Variants in TMEM273 observed in about 807,000 individuals in gnomAD.
The protein encoded by TMEM273 is chromosome 10 open reading frame 128.
A neutral mutation model predicts 17.9 loss-of-function variants in TMEM273; 19 were observed. That is an observed-to-expected ratio of 1.06 (90% CI 0.74 to 1.55). The LOEUF is 1.55. TMEM273 is among the 40% of genes most tolerant of loss of function. The pLI is 0.00. For synonymous variants in TMEM273, 66 were observed against 62.0 expected, an observed-to-expected ratio of 1.07 and a Z score of -0.31; for missense variants, 194 against 155.6, an observed-to-expected ratio of 1.25 and a Z score of -1.31.
At chr10:49,168,524 A>C (rs919668806) in intron 1 of TMEM273, among the ~76,000 whole-genome samples, 1 of 152,148 alleles carries the variant, frequency 6.6e-6, no homozygotes. Context: ...TCCAGGCTCC[A>C]TCCTAAAAGC....
intron 1 of TMEM273, among the ~76,000 whole-genome samples, chr10:49,186,068 G>GGAGGAAGAAGAA (rs1554850043): frequency 1.5e-5 from 1 of 67,090 alleles, no homozygotes; most frequent in Non-Finnish European, 3.1e-5. Flanking sequence ...AAGAAGAAGA[G>GGAGGAAGAAGAA]GAAGAAGAAG....
chr10:49,172,867 C>A (rs1230966840), intron 1 of TMEM273, among the ~76,000 whole-genome samples: 1 of 152,224 alleles, frequency 6.6e-6, no homozygotes, highest in African/African-American at 2.4e-5. Flanking sequence ...GCCAAGCACA[C>A]CAGGAGGCAC....
At chr10:49,172,551 G>A (rs1014892372) in intron 1 of TMEM273, among the ~76,000 whole-genome samples, 7 of 152,176 alleles carry the variant, frequency 4.6e-5, no homozygotes, top group South Asian at 2.1e-4. Context: ...TTCCACCTTC[G>A]AGCCTCTCTG....
At chr10:49,165,852 C>T in intron 3 of TMEM273, 56 bp from the exon 4 acceptor site, 25 of 1,607,134 alleles carry the variant, frequency 1.6e-5, no homozygotes, top group Non-Finnish European at 2.1e-5. Context: ...AGGTGCAGAG[C>T]ATTCCCTAGA....
At chr10:49,187,189 C>T (rs1405721341) in intron 1 of TMEM273, among the ~76,000 whole-genome samples, 1 of 152,226 alleles carries the variant, frequency 6.6e-6, no homozygotes, top group Admixed American at 6.5e-5. Flanking sequence ...CCACCGTGCA[C>T]ACCCTTAATC....
chr10:49,180,370 G>T (rs1323403724), intron 1 of TMEM273, among the ~76,000 whole-genome samples: 3 of 152,062 alleles, frequency 2.0e-5, no homozygotes, highest in African/African-American at 7.2e-5. Flanking sequence ...TACTGAGCAG[G>T]TTCTAGAGCT....
chr10:49,176,368 C>T (rs1402460859), intron 1 of TMEM273, among the ~76,000 whole-genome samples: 2 of 152,222 alleles, frequency 1.3e-5, no homozygotes, highest in Non-Finnish European at 2.9e-5. Flanking sequence ...CAAACCAAGG[C>T]CTCCCATAGC....
chr10:49,183,038 CA>C (rs1197431009), intron 1 of TMEM273, among the ~76,000 whole-genome samples: 1 of 151,992 alleles, frequency 6.6e-6, no homozygotes, highest in Non-Finnish European at 1.5e-5. Context: ...TCATGAAAGA[CA>C]AACAAAGGCT....
At chr10:49,174,714 G>A (rs1032592299) in intron 1 of TMEM273, among the ~76,000 whole-genome samples, 2 of 152,142 alleles carry the variant, frequency 1.3e-5, no homozygotes, top group Non-Finnish European at 2.9e-5. Flanking sequence ...GTGGTGGGGG[G>A]TGGTATGAGG....
Position 49,166,972 on chromosome 10 carries a change from G to T in TMEM273, c.135C>A (p.Val45=). ...KYALIGTAVG[V]AISAGFLALK... ...GGGCCAGGAAGCCAGCAGATATGGC[G>T]ACACCCACAGCAGTCCCGATGAGGG... Residue 45 remains valine, a synonymous_variant, in exon 3 of 7, where the codon GTC becomes GTA. Coordinates refer to ENST00000374153, the MANE Select transcript of TMEM273 (RefSeq NM_001288740.3). The T allele has an allele frequency of 6.2e-7, 1 of 1,614,170 alleles. No individual in the cohort carries two copies. Among genetic ancestry groups the T allele is most frequent in the Non-Finnish European group, 8.5e-7 (1 of 1,180,028 alleles).
At chr10:49,173,720 C>T (rs182605057) in intron 1 of TMEM273, among the ~76,000 whole-genome samples, 103 of 152,298 alleles carry the variant, frequency 6.8e-4, no homozygotes, top group African/African-American at 2.4e-3. Context: ...GGACTCTTCT[C>T]CTGGGGGATG....
intron 1 of TMEM273, among the ~76,000 whole-genome samples, chr10:49,176,131 G>A (rs1004617774): frequency 1.1e-4 from 17 of 152,238 alleles, no homozygotes; most frequent in African/African-American, 4.1e-4. Context: ...AGCATGGCTG[G>A]ACAAGTCCCC....
At chr10:49,173,851 C>T (rs1846752762) in intron 1 of TMEM273, among the ~76,000 whole-genome samples, 1 of 152,146 alleles carries the variant, frequency 6.6e-6, no homozygotes. Context: ...AGTTCAGCCA[C>T]AGAGAGACAA....
Position 49,165,230 on chromosome 10 carries a change from T to C in TMEM273, c.323A>G (p.His108Arg). ...CTTAAATAGGCCCTCCATGATGCAG[T>C]GGTGACACTGAAGCAGGGATTTGAA... ...FSFKSLLQCH[H>R]CIMEGLFKAK... The change falls in exon 5 of 7, where the codon CAC (histidine) becomes CGC (arginine). Residue 108 changes from histidine (H) to arginine (R), a missense_variant. His to Arg is a conservative substitution (Grantham distance 29). Transcript: ENST00000374153. 1 of 1,550,456 alleles carries C rather than the reference T, an allele frequency of 6.4e-7. No homozygotes were observed. Among genetic ancestry groups the C allele is most frequent in the Non-Finnish European group, 8.7e-7 (1 of 1,146,980 alleles).
At chr10:49,165,879 C>A in intron 3 of TMEM273, 83 bp from the exon 4 acceptor site, 1 of 1,568,498 alleles carries the variant, frequency 6.4e-7, no homozygotes, top group South Asian at 1.1e-5. Flanking sequence ...ACCTCCCTCT[C>A]CTTGGTCCTC....
At chr10:49,160,991 G>A (rs1845806164) in intron 6 of TMEM273, 1 of 152,870 alleles carries the variant, frequency 6.5e-6, no homozygotes, top group South Asian at 2.1e-4. Flanking sequence ...GCACATGCAA[G>A]GGGCATGAGG....
At position 49,186,068 on chromosome 10, in the gene TMEM273, G is replaced by GGAAGAAGAAGAAGAATAAGAAGAAGAA. The variant is rs1847670081; in HGVS notation, c.43+2225_43+2226insTTCTTCTTCTTATTCTTCTTCTTCTTC. Among the ~76,000 whole-genome samples, 56 of 67,192 alleles carry GGAAGAAGAAGAAGAATAAGAAGAAGAA rather than the reference G, an allele frequency of 8.3e-4. 1 individual carries two copies. The highest frequency in any genetic ancestry group is 2.7e-3 in the African/African-American group (54 of 19,798). The allele number at this position is 67,192 out of a possible 152,430, so 44.1% of individuals were successfully genotyped here. A position where few individuals can be genotyped will look rare whatever the true frequency, so the allele number is the denominator to read the frequency against. On this transcript the variant is annotated intron_variant, in intron 1 of 6. Coordinates refer to ENST00000374153, the MANE Select transcript of TMEM273 (RefSeq NM_001288740.3). Reference sequence around the variant, plus strand: ...AAGAAGAAGAGGAAGAAGAAGAAGAGGAAGAAGAAGAAGAAGAAGAAGAAG... The same window carrying GGAAGAAGAAGAAGAATAAGAAGAAGAA: ...AAGAAGAAGAGGAAGAAGAAGAAGAGGAAGAAGAAGAAGAATAAGAAGAAGAAGAAGAAGAAGAAGAAGAAGAAGAAG...
At chr10:49,184,773 G>A (rs1048040393) in intron 1 of TMEM273, among the ~76,000 whole-genome samples, 5 of 152,228 alleles carry the variant, frequency 3.3e-5, no homozygotes, top group African/African-American at 4.8e-5. Context: ...ACCAGCTGCA[G>A]GTGGGTTCCA....
intron 6 of TMEM273, among the ~76,000 whole-genome samples, chr10:49,157,948 C>T (rs998209145): frequency 6.6e-6 from 1 of 152,160 alleles, no homozygotes; most frequent in Admixed American, 6.5e-5. Context: ...AAAACAGAGA[C>T]AAAGAATAAA....
Sources: gnomAD v4.1 joint callset for allele counts (sites outside exome capture counted in the v4.1 genomes callset) on GRCh38, gnomAD v4.1.1 for gene constraint, MANE v1.5 for transcripts, NCBI Gene and HGNC (gene_info 2026-07-23, HGNC 2026-07-21) for gene names.